The following PHF24 variants were observed in gnomAD, a reference collection of about 807,000 sequenced individuals.
PHF24 encodes the protein PHD finger protein 24.
A neutral mutation model predicts 42.6 loss-of-function variants in PHF24; 25 were observed. That is an observed-to-expected ratio of 0.59 (90% CI 0.43 to 0.82). The LOEUF (loss-of-function observed/expected upper bound fraction) is 0.82. Ranked by LOEUF, PHF24 falls within the 40% of genes least tolerant of loss-of-function variation. The pLI is 0.00. For synonymous variants in PHF24, 185 were observed against 204.8 expected (o/e 0.90, Z 0.83); for missense variants, 470 against 538.1 (o/e 0.87, Z 1.25).
At chr9:34,742,440 A>G in the PHF24 span, among the ~76,000 whole-genome samples, 1 of 152,170 alleles carries the variant, frequency 6.6e-6, no homozygotes, top group Admixed American at 6.5e-5. Flanking sequence ...CAGAGTAGAT[A>G]CCTCTGGGCA....
chr9:34,927,826 C>T, the PHF24 span, among the ~76,000 whole-genome samples: 1 of 152,146 alleles, frequency 6.6e-6, no homozygotes, highest in Non-Finnish European at 1.5e-5. Context: ...TTGGGCCTTT[C>T]TTGTGGGATA....
chr9:34,691,807 CCTTGGGAGGAGG>C, the PHF24 span, among the ~76,000 whole-genome samples: 1 of 152,164 alleles, frequency 6.6e-6, no homozygotes, highest in Non-Finnish European at 1.5e-5. Context: ...AGGCCAGGTA[CCTTGGGAGGAGG>C]CCCAGGACCC....
chr9:34,701,004 G>A, the PHF24 span, among the ~76,000 whole-genome samples: 2 of 152,160 alleles, frequency 1.3e-5, no homozygotes, highest in Admixed American at 6.5e-5. This position sits in a 1 kb window ranked among gnomAD's most constrained non-coding sequence, Gnocchi z 5.8. Flanking sequence ...AGGTACAGAG[G>A]CATCAGCGCT....
At chr9:34,836,405 A>AGC in the PHF24 span, among the ~76,000 whole-genome samples, 1 of 152,202 alleles carries the variant, frequency 6.6e-6, no homozygotes, top group African/African-American at 2.4e-5. Context: ...AACCAGGAAT[A>AGC]TCACAAGGTA....
chr9:34,665,766 A>C, the PHF24 span: 19 of 671,276 alleles, frequency 2.8e-5, no homozygotes, highest in Admixed American at 3.9e-4. Context: ...CCCAGTTCTC[A>C]GGTAATCTGA....
the PHF24 span, among the ~76,000 whole-genome samples, chr9:34,716,306 A>G: frequency 5.9e-5 from 9 of 152,276 alleles, no homozygotes; most frequent in South Asian, 1.7e-3. Context: ...TGTGGTTCCA[A>G]ATTGGATAGG....
chr9:34,693,080 C>T, the PHF24 span, among the ~76,000 whole-genome samples: 9 of 152,310 alleles, frequency 5.9e-5, no homozygotes, highest in Admixed American at 2.0e-4. Context: ...GGATTACAGG[C>T]GTGAGCCACC....
the PHF24 span, among the ~76,000 whole-genome samples, chr9:34,897,908 A>G: frequency 7.2e-5 from 11 of 152,192 alleles, no homozygotes; most frequent in Non-Finnish European, 1.6e-4. Flanking sequence ...CCAACGTATC[A>G]GTGAGAACAT....
the PHF24 span, among the ~76,000 whole-genome samples, chr9:34,895,349 G>A: frequency 6.6e-6 from 1 of 152,106 alleles, no homozygotes; most frequent in Non-Finnish European, 1.5e-5. Flanking sequence ...GAGACGGGAG[G>A]AAAAGTGGAA....
chr9:34,831,097 G>A, the PHF24 span, among the ~76,000 whole-genome samples: 1 of 152,180 alleles, frequency 6.6e-6, no homozygotes, highest in Non-Finnish European at 1.5e-5. Context: ...CTTTCCAAAA[G>A]CCTTGTCTTC....
At chr9:34,952,891 A>G (rs1192322196), upstream of PHF24, among the ~76,000 whole-genome samples, 1 of 152,262 alleles carries the variant, frequency 6.6e-6, no homozygotes, top group Non-Finnish European at 1.5e-5. Flanking sequence ...CTTTTCAACA[A>G]AGTGTGCTAA....
At chr9:34,832,784 G>A in the PHF24 span, 1 of 1,551,040 alleles carries the variant, frequency 6.4e-7, no homozygotes, top group South Asian at 1.2e-5. Flanking sequence ...GAGTTGGTTG[G>A]CTCAGGAAAG....
chr9:34,726,512 C>T, the PHF24 span: 3 of 1,551,712 alleles, frequency 1.9e-6, no homozygotes, highest in Non-Finnish European at 2.6e-6. Flanking sequence ...CTGGACAAGG[C>T]TGGGGTTGCT....
chr9:34,771,194 G>A, the PHF24 span, among the ~76,000 whole-genome samples: 1 of 152,306 alleles, frequency 6.6e-6, no homozygotes, highest in Admixed American at 6.5e-5. Context: ...TGACAAATGA[G>A]TCACTGGACA....
the PHF24 span, chr9:34,834,769 G>A: frequency 7.1e-6 from 11 of 1,542,730 alleles, no homozygotes; most frequent in South Asian, 1.2e-5. Context: ...TCAGAAATGG[G>A]ACATTGATCT....
At chr9:34,907,654 A>G in the PHF24 span, among the ~76,000 whole-genome samples, 1 of 152,078 alleles carries the variant, frequency 6.6e-6, no homozygotes, top group African/African-American at 2.4e-5. Flanking sequence ...AGTGCTTCAA[A>G]ATGCCATCTT....
the PHF24 span, among the ~76,000 whole-genome samples, chr9:34,675,348 C>G: frequency 1.3e-5 from 2 of 152,148 alleles, no homozygotes; most frequent in African/African-American, 4.8e-5. Context: ...AAGAGGGGAT[C>G]TGGCCTAAGT....
the PHF24 span, among the ~76,000 whole-genome samples, chr9:34,669,895 A>G: frequency 4.6e-5 from 7 of 152,146 alleles, no homozygotes; most frequent in Non-Finnish European, 8.8e-5. Flanking sequence ...CACAGTAAAG[A>G]CCAACCATGT....
intron 1 of PHF24, among the ~76,000 whole-genome samples, chr9:34,960,525 C>G (rs1342356897): frequency 6.6e-6 from 1 of 152,134 alleles, no homozygotes; most frequent in East Asian, 1.9e-4. Flanking sequence ...ATCAGCTTAA[C>G]AGATCAGAAT....
Sources: gnomAD v4.1 joint callset for allele counts (sites outside exome capture counted in the v4.1 genomes callset) on GRCh38, gnomAD v4.1.1 for gene constraint, Gnocchi (gnomAD v3.1) non-coding constraint, MANE v1.5 for transcripts, NCBI Gene and HGNC (gene_info 2026-07-23, HGNC 2026-07-21) for gene names.